LAS1L: variants seen among roughly 807,000 people sequenced by gnomAD.
The protein encoded by LAS1L is ribosomal biogenesis protein LAS1L.
A neutral mutation model predicts 57.3 loss-of-function variants in LAS1L; 5 were observed. The observed-to-expected ratio is 0.09, with a 90% confidence interval of 0.05 to 0.18. LAS1L has a LOEUF of 0.18. Among genes scored for constraint, LAS1L ranks in the 10% least tolerant of loss-of-function variants. The pLI is 1.00. For synonymous variants in LAS1L, 245 were observed against 231.7 expected (o/e 1.06, Z -0.52); for missense variants, 360 against 568.3 (o/e 0.63, Z 3.73).
At chrX:65,532,010 G>T (rs2069521410) in intron 3 of LAS1L, among the ~76,000 whole-genome samples, 1 of 112,132 alleles carries the variant, frequency 8.9e-6, no homozygotes, top group Admixed American at 9.4e-5. Flanking sequence ...ACCTGTGAAT[G>T]AGCATTAACA....
intron 11 of LAS1L, chrX:65,518,786 A>G (rs1325328744): frequency 1.3e-6 from 1 of 745,970 alleles, no homozygotes. Context: ...CATGCAATAA[A>G]TGATAGCTAT....
intron 1 of LAS1L, among the ~76,000 whole-genome samples, chrX:65,534,278 T>A (rs1042419204): frequency 1.8e-5 from 2 of 112,352 alleles, no homozygotes; most frequent in African/African-American, 6.5e-5. Context: ...AAGAGAATTG[T>A]TGAGGCACAA....
chrX:65,515,950 C>T (rs368293485), intron 12 of LAS1L, among the ~76,000 whole-genome samples: 2 of 112,034 alleles, frequency 1.8e-5, no homozygotes, highest in East Asian at 5.6e-4. Context: ...CCCTCTCTGT[C>T]GTATCACTGA....
At chrX:65,532,977 G>C (rs1231912510) in intron 2 of LAS1L, among the ~76,000 whole-genome samples, 1 of 112,390 alleles carries the variant, frequency 8.9e-6, no homozygotes, top group Non-Finnish European at 1.9e-5. Context: ...CTAACCAATG[G>C]AGAAAATAAG....
Position 65,531,358 on chromosome X carries a change from T to C in LAS1L, c.513A>G (p.Arg171=). 1 of 1,198,967 alleles carries C rather than the reference T, an allele frequency of 8.3e-7. No homozygotes were observed. Among genetic ancestry groups the C allele is most frequent in the Non-Finnish European group, 1.1e-6 (1 of 884,269 alleles). ...KKMPHINDCR[R]GCYFVLDWLQ... ...TAGGTATAACCTCTGAGGACTCACC[T>C]CTGCGGCAGTCATTTATATGGGGCA... The change falls in exon 4 of 14, where the codon AGA becomes AGG. Residue 171 remains arginine, a splice_region_variant and synonymous_variant. Transcript: ENST00000374811.
intron 11 of LAS1L, chrX:65,521,156 C>T: frequency 1.3e-6 from 1 of 754,274 alleles, no homozygotes; most frequent in Non-Finnish European, 1.6e-6. Flanking sequence ...ACCTCTGTGT[C>T]CCAAATGCCA....
chrX:65,529,385 T>C (rs1047584164), intron 5 of LAS1L, 127 bp from the exon 6 acceptor site: 3 of 688,152 alleles, frequency 4.4e-6, no homozygotes, highest in Non-Finnish European at 4.3e-6. Context: ...CCCCAACTAC[T>C]TCACAGGGCT....
At chrX:65,514,039 G>A (rs1266332672) in intron 13 of LAS1L, among the ~76,000 whole-genome samples, 1 of 112,455 alleles carries the variant, frequency 8.9e-6, no homozygotes, top group East Asian at 2.8e-4. Context: ...ATGCCCAGAT[G>A]AAGAGGGGTT....
chrX:65,512,769 T>C lies in LAS1L; in HGVS notation c.*6A>G. 8.6e-7 allele frequency: 1 copy of C among 1,166,148 alleles called. No individual in the cohort carries two copies. The highest frequency in any genetic ancestry group is 1.1e-6 in the Non-Finnish European group (1 of 871,645). Reference sequence around the variant, plus strand: ...GCTGGATGAACACTTGCACCAGGGATGGCCATCAGAAGAGCTGCAGGCCAG... The same window carrying C: ...GCTGGATGAACACTTGCACCAGGGACGGCCATCAGAAGAGCTGCAGGCCAG... On this transcript the variant is annotated 3_prime_UTR_variant, in exon 14 of 14. Coordinates refer to ENST00000374811, the MANE Select transcript of LAS1L (RefSeq NM_031206.7).
chrX:65,518,240 C>G lies in LAS1L; in HGVS notation c.1674G>C (p.Gln558His). Residue 558 changes from glutamine to histidine, a missense_variant, in exon 12 of 14, where the codon CAG (glutamine) becomes CAC (histidine). Physicochemically the swap from Gln to His is conservative, Grantham distance 24. Around this residue, in one of 7 missense-constraint regions of LAS1L, gnomAD observed 123 missense variants for 168.3 expected, o/e 0.73. Coordinates refer to ENST00000374811, the MANE Select transcript of LAS1L (RefSeq NM_031206.7). ...CTTCCTTGACATCATTAACACTGCC[C>G]TGCTCCTCCTGTTGCTGGGCCTTTG... ...SEAKAQQQEE[Q>H]GSVNDVKEEE... is the part of the protein sequence containing the mutation. 1.7e-6 allele frequency: 2 copies of G among 1,212,103 alleles called. No homozygotes were observed. Among genetic ancestry groups the G allele is most frequent in the Admixed American group, 2.2e-5 (1 of 46,096 alleles).
intron 7 of LAS1L, among the ~76,000 whole-genome samples, chrX:65,525,748 CAAAAAAAAAA>C (rs772564998): frequency 2.6e-5 from 1 of 38,237 alleles, no homozygotes; most frequent in Admixed American, 3.0e-4. Context: ...TCTGATTTTT[CAAAAAAAAAA>C]AAAAAAAAAA....
At position 65,529,277 on chromosome X, in the gene LAS1L, G is replaced by A. The variant is rs2069340149; in HGVS notation, c.800-19C>T. The A allele has an allele frequency of 6.0e-6, 7 of 1,173,852 alleles. No individual in the cohort carries two copies. The highest frequency in any genetic ancestry group is 8.1e-6 in the Non-Finnish European group (7 of 862,136). On this transcript the variant is annotated intron_variant, in intron 5 of 13. Coordinates refer to ENST00000374811, the MANE Select transcript of LAS1L (RefSeq NM_031206.7). ...GCTCTTTCTGAAAACAGAATGGGGA[G>A]ACAGATAGGACTGCCAGCCCAGACC...
chrX:65,528,110 CA>C (rs1392110512), intron 7 of LAS1L, 149 bp downstream of exon 7: 2 of 425,741 alleles, frequency 4.7e-6, no homozygotes, highest in African/African-American at 5.1e-5. Flanking sequence ...ACAGTTCTGC[CA>C]AATGTAGGGT....
intron 11 of LAS1L, 75 bp from the exon 12 acceptor site, chrX:65,518,540 G>C: frequency 9.0e-7 from 1 of 1,109,960 alleles, no homozygotes. Context: ...TCCAGGGTTT[G>C]AACTTGGTCT....
rs373363607 is a variant in LAS1L at position 65,524,047 on chromosome X, C to T, written c.1300+9G>A. On this transcript the variant is annotated intron_variant, in intron 10 of 13. Transcript: ENST00000374811. ...CTTAGGCCCTAGGGCTAGGGCTAGT[C>T]TCCCTCACCAGTCTTGGTGTTGGCC... The T allele has an allele frequency of 1.7e-6, 2 of 1,206,687 alleles. No individual in the cohort carries two copies. Among genetic ancestry groups the T allele is most frequent in the Non-Finnish European group, 2.2e-6 (2 of 891,808 alleles).
At position 65,527,417 on chromosome X, in the gene LAS1L, G is replaced by T. The variant is rs181262714; in HGVS notation, c.956+843C>A. Reference sequence around the variant, plus strand: ...CAGACATGGTAGTGCATGCCTGTTGGTCCTAGCTACTTAGGAGGCTGAGGT... The same window carrying T: ...CAGACATGGTAGTGCATGCCTGTTGTTCCTAGCTACTTAGGAGGCTGAGGT... On this transcript the variant is annotated intron_variant, in intron 7 of 13. Coordinates refer to ENST00000374811, the MANE Select transcript of LAS1L (RefSeq NM_031206.7). Among the ~76,000 whole-genome samples the T allele has an allele frequency of 3.7e-5, 4 of 109,525 alleles. No homozygotes were observed. The East Asian group carries it at 1.1e-3, about 31-fold the overall frequency.
chrX:65,524,088 G>A lies in LAS1L; in HGVS notation c.1268C>T (p.Thr423Ile), dbSNP rs777030562. 1.1e-5 allele frequency: 13 copies of A among 1,209,383 alleles called. No homozygotes were observed. The African/African-American group carries it at 1.9e-4, about 18-fold the overall frequency. ...GGTGTTGGCCACGATCAGTTCAACG[G>A]TCCATCTGAGGATGTAGGTAGGCCG... ...GIRPTYILRWTVELIVANTKT... is the reference protein window; with the variant it reads ...GIRPTYILRWIVELIVANTKT... The change falls in exon 10 of 14, where the codon ACC becomes ATC. Residue 423 changes from threonine to isoleucine, a missense_variant. By Grantham distance (89) the Thr-to-Ile change is moderately conservative (BLOSUM62 -1). Transcript: ENST00000374811.
At position 65,529,327 on chromosome X, in the gene LAS1L, C is replaced by G. The variant is rs770520405; in HGVS notation, c.800-69G>C. 1.0e-5 allele frequency: 9 copies of G among 890,434 alleles called. No homozygotes were observed. The African/African-American group carries it at 1.8e-4, about 18-fold the overall frequency. 73.4% of individuals were successfully genotyped at this position (890,434 alleles called of 1,213,427 possible). A position where few individuals can be genotyped will look rare whatever the true frequency, so the allele number is the denominator to read the frequency against. On this transcript the variant is annotated intron_variant, in intron 5 of 13. Coordinates refer to ENST00000374811, the MANE Select transcript of LAS1L (RefSeq NM_031206.7). ...CCCTTCTCCTGATGGGATTCTGAGC[C>G]TCTCTCACCTCATTTCTTGAGTTGT...
chrX:65,525,898 C>T (rs1273387050), intron 7 of LAS1L, among the ~76,000 whole-genome samples: 1 of 111,372 alleles, frequency 9.0e-6, no homozygotes, highest in Non-Finnish European at 1.9e-5. Flanking sequence ...TTTGTCCCCT[C>T]CAAATCTTAT....
Sources: allele counts gnomAD v4.1 joint callset (sites outside exome capture counted in the v4.1 genomes callset), GRCh38; gene constraint gnomAD v4.1.1; regional missense constraint gnomAD v4.1.1; transcripts MANE v1.5; gene names NCBI Gene and HGNC (gene_info 2026-07-23, HGNC 2026-07-21).